Variants in HCN2 observed in about 807,000 individuals in gnomAD.
HCN2 encodes the protein hyperpolarization activated cyclic nucleotide gated potassium and sodium channel 2.
Under a neutral mutation model 52.3 loss-of-function variants are expected in HCN2, and 20 were observed. The observed-to-expected ratio is 0.38, with a 90% CI of 0.27 to 0.56. The LOEUF is 0.56. HCN2 is among the 20% of genes least tolerant of loss of function. The probability of loss-of-function intolerance (pLI) is 0.71; values close to 1 mark genes in which losing one functional copy is unlikely to be tolerated. For synonymous variants in HCN2, 694 were observed against 537.0 expected, an observed-to-expected ratio of 1.29 and a Z score of -4.04; for missense variants, 981 against 1,207.7, an observed-to-expected ratio of 0.81 and a Z score of 2.78.
chr19:605,292 T>C (rs945706402), intron 3 of HCN2, 70 bp downstream of exon 3: 1 of 1,460,224 alleles, frequency 6.8e-7, no homozygotes, highest in Middle Eastern at 2.4e-4. Flanking sequence ...CAGGCCCCCT[T>C]ATCCCGCTTA....
intron 4 of HCN2, 108 bp from the exon 5 acceptor site, chr19:610,151 G>A: frequency 6.7e-6 from 9 of 1,338,688 alleles, no homozygotes; most frequent in South Asian, 2.6e-5. Context: ...GCTGCAGGCT[G>A]GGGGCGGTGT....
rs199942340 is a variant in HCN2 at position 610,209 on chromosome 19, C to T, written c.1438-50C>T. ...CAGTACAAGCAGGTGCCCCTGTGCC[C>T]GCTGCAGGCCGGGGGCGGTGTCTGA... is the stretch of plus-strand genomic sequence containing the variant. On this transcript the variant is annotated intron_variant, in intron 4 of 7. Coordinates refer to ENST00000251287, the MANE Select transcript of HCN2 (RefSeq NM_001194.4). 2,128 of 1,590,138 alleles carry T rather than the reference C, an allele frequency of 1.3e-3. 24 individuals carry two copies. Among genetic ancestry groups the T allele is most frequent in the Middle Eastern group, 6.1e-3 (32 of 5,208 alleles).
At chr19:603,411 CCG>C (rs1983284611) in intron 1 of HCN2, 131 bp from the exon 2 acceptor site, 2 of 667,470 alleles carry the variant, frequency 3.0e-6, no homozygotes, top group African/African-American at 1.9e-5. Flanking sequence ...GGGGCTGGTC[CCG>C]CAGGCTCCTC....
intron 1 of HCN2, among the ~76,000 whole-genome samples, chr19:593,869 G>C (rs1033354956): frequency 9.2e-5 from 14 of 152,208 alleles, no homozygotes; most frequent in African/African-American, 2.9e-4. Flanking sequence ...AAACCAAGAA[G>C]GAAGGGGTTT....
chr19:613,801 G>A, intron 6 of HCN2, 51 bp from the exon 7 acceptor site: 1 of 1,445,050 alleles, frequency 6.9e-7, no homozygotes, highest in Non-Finnish European at 9.0e-7. Flanking sequence ...GGGCGGGGAG[G>A]GCCGCGGCGC....
chr19:616,574 G>A lies in HCN2; in HGVS notation c.*100G>A, dbSNP rs527643702. On this transcript the variant is annotated 3_prime_UTR_variant, in exon 8 of 8. Transcript: ENST00000251287. ...GCTGCCCCGGCCGCCAGTCCGCCCA[G>A]AAGCCATAGACGAGACGTAGGTAGC... The A allele has an allele frequency of 3.6e-4, 261 of 720,610 alleles. No homozygotes were observed. In the South Asian group the frequency reaches 4.9e-3, roughly 14 times the overall value. 44.6% of individuals were successfully genotyped at this position (720,610 alleles called of 1,614,324 possible).
intron 4 of HCN2, 57 bp from the exon 5 acceptor site, chr19:610,202 C>T (rs147181779): frequency 4.0e-5 from 62 of 1,557,032 alleles, no homozygotes; most frequent in Non-Finnish European, 5.3e-5. Flanking sequence ...GCAGGTGCCC[C>T]TGTGCCCGCT....
chr19:598,012 C>G (rs1247703102), intron 1 of HCN2, among the ~76,000 whole-genome samples: 9 of 152,182 alleles, frequency 5.9e-5, no homozygotes, highest in Non-Finnish European at 1.3e-4. Flanking sequence ...GACTGGTGCT[C>G]GAAGGTGGGA....
chr19:602,836 A>G (rs1025677299), intron 1 of HCN2, among the ~76,000 whole-genome samples: 4 of 152,178 alleles, frequency 2.6e-5, no homozygotes, highest in African/African-American at 9.7e-5. Context: ...TGAGGAAGGG[A>G]CCTGGGCTAG....
rs897253196 is a variant in HCN2, at chr19:603,667, C to T, written c.756C>T (p.Asp252=). ...GGATCGTGTTCAACGTGGTCTCGGA[C>T]ACCTTCTTCCTCATGGACCTGGTGT... ...APWIVFNVVS[D]TFFLMDLVLN... is the part of the protein sequence containing the mutation. Residue 252 remains aspartate (D), a synonymous_variant, in exon 2 of 8, where the codon GAC becomes GAT. Coordinates refer to ENST00000251287, the MANE Select transcript of HCN2 (RefSeq NM_001194.4). 1 of 1,612,702 alleles carries T rather than the reference C, an allele frequency of 6.2e-7. No homozygotes were observed.
rs1324988740 is a variant in HCN2, at chr19:617,046, C to G, written c.*572C>G. The G allele has an allele frequency of 1.8e-6, 1 of 549,058 alleles. No homozygotes were observed. Among genetic ancestry groups the G allele is most frequent in the Non-Finnish European group, 3.3e-6 (1 of 303,402 alleles). 34.0% of individuals were successfully genotyped at this position (549,058 alleles called of 1,614,324 possible). A position where few individuals can be genotyped will look rare whatever the true frequency, so the allele number is the denominator to read the frequency against. ...CGCGGGGGGGAGGCTGGGGTCCCGC[C>G]GCCGTGATGAATGTACTGACGAGCC... On this transcript the variant is annotated 3_prime_UTR_variant, in exon 8 of 8. Coordinates refer to ENST00000251287, the MANE Select transcript of HCN2 (RefSeq NM_001194.4).
At position 610,423 on chromosome 19, in the gene HCN2, C is replaced by A; in HGVS notation, c.1584+18C>A. 6.2e-7 allele frequency: 1 copy of A among 1,608,174 alleles called. No individual in the cohort carries two copies. ...TGCGGGAGGTGAGGCGGGCGCCGGG[C>A]GGGCGGGAGGCAGCCTCCGGTACAG... On this transcript the variant is annotated intron_variant, in intron 5 of 7. Coordinates refer to ENST00000251287, the MANE Select transcript of HCN2 (RefSeq NM_001194.4).
In HCN2 at chr19:590,682, C is replaced by A; in HGVS notation, c.632+105C>A. 3.3e-6 allele frequency: 3 copies of A among 899,220 alleles called. No homozygotes were observed. The highest frequency in any genetic ancestry group is 4.3e-6 in the Non-Finnish European group (3 of 690,292). 55.7% of individuals were successfully genotyped at this position (899,220 alleles called of 1,614,324 possible). A position where few individuals can be genotyped will look rare whatever the true frequency, so the allele number is the denominator to read the frequency against. On this transcript the variant is annotated intron_variant, in intron 1 of 7. Transcript: ENST00000251287. The surrounding 1 kb of genome is among the most constrained non-coding windows in gnomAD (Gnocchi z 7.2). ...GGGAGGGCGGGGCGGCGCGCCGGGC[C>A]GGTGACCTCGGGGCTCCTCGGTGAC...
intron 5 of HCN2, among the ~76,000 whole-genome samples, 172 bp from the exon 6 acceptor site, chr19:613,076 G>A (rs1282117891): frequency 6.6e-6 from 1 of 152,194 alleles, no homozygotes; most frequent in Non-Finnish European, 1.5e-5. Flanking sequence ...GGCACTGAGC[G>A]TTTTTTCTTT....
chr19:606,376 C>G (rs1254814170), intron 3 of HCN2, among the ~76,000 whole-genome samples: 1 of 151,834 alleles, frequency 6.6e-6, no homozygotes, highest in Non-Finnish European at 1.5e-5. Flanking sequence ...GTTGGGATTA[C>G]AGGCGTGAGC....
chr19:611,425 C>T (rs1033277062), intron 5 of HCN2, among the ~76,000 whole-genome samples: 1 of 152,124 alleles, frequency 6.6e-6, no homozygotes, highest in African/African-American at 2.4e-5. Flanking sequence ...GGTGTAGCAC[C>T]TGGCTCGGGC....
intron 4 of HCN2, among the ~76,000 whole-genome samples, chr19:608,444 G>A (rs79875170): frequency 0.083 from 12,666 of 152,084 alleles, 12 homozygotes; most frequent in Admixed American, 0.18. Flanking sequence ...TTCAAGTGGC[G>A]CGCTCAGGGC....
chr19:605,800 C>T (rs34485160), intron 3 of HCN2, among the ~76,000 whole-genome samples: 2 of 134,832 alleles, frequency 1.5e-5, no homozygotes, highest in African/African-American at 3.3e-5. Flanking sequence ...CTTACAGAGG[C>T]GGGGACCCAG....
intron 1 of HCN2, among the ~76,000 whole-genome samples, chr19:595,662 C>T (rs905330210): frequency 9.8e-5 from 15 of 152,326 alleles, no homozygotes; most frequent in East Asian, 7.7e-4. Flanking sequence ...GTGTGGTCAT[C>T]GTGTGCCCCG....
Sources: gnomAD v4.1 joint callset for allele counts (sites outside exome capture counted in the v4.1 genomes callset) on GRCh38, gnomAD v4.1.1 for gene constraint, Gnocchi (gnomAD v3.1) non-coding constraint, MANE v1.5 for transcripts, NCBI Gene and HGNC (gene_info 2026-07-23, HGNC 2026-07-21) for gene names.